The following LBR variants were observed in gnomAD, a reference collection of about 807,000 sequenced individuals.
LBR encodes the protein delta(14)-sterol reductase LBR.
Under a neutral mutation model 74.3 loss-of-function variants are expected in LBR, and 28 were observed. The ratio of observed to expected loss-of-function variants is 0.38; its 90% confidence interval spans 0.28 to 0.52. The LOEUF is 0.52. LBR is among the 20% of genes least tolerant of loss of function. The pLI is 0.89. For synonymous variants in LBR, 228 were observed against 269.3 expected, an observed-to-expected ratio of 0.85 and a Z score of 1.50; for missense variants, 717 against 760.3, an observed-to-expected ratio of 0.94 and a Z score of 0.67.
chr1:225,417,828 T>C (rs1334522140), intron 6 of LBR, 156 bp downstream of exon 6: 1 of 671,930 alleles, frequency 1.5e-6, no homozygotes, highest in East Asian at 2.7e-5. Flanking sequence ...ACCTTTAAAC[T>C]ACTCTAAGGC....
chr1:225,419,142 C>G, intron 5 of LBR, 121 bp downstream of exon 5: 1 of 926,684 alleles, frequency 1.1e-6, no homozygotes, highest in Non-Finnish European at 1.8e-6. Flanking sequence ...CCACAGGTTC[C>G]CACCAGGCTC....
intron 7 of LBR, 146 bp from the exon 8 acceptor site, chr1:225,412,791 A>C: frequency 2.7e-6 from 2 of 744,596 alleles, no homozygotes; most frequent in Non-Finnish European, 4.4e-6. Context: ...TATGCAAATA[A>C]GCAATGTCTG....
intron 1 of LBR, among the ~76,000 whole-genome samples, chr1:225,425,099 T>C (rs1183943779): frequency 6.6e-6 from 1 of 152,214 alleles, no homozygotes; most frequent in Non-Finnish European, 1.5e-5. Flanking sequence ...CCTATCAATG[T>C]ACATTCCTCA....
At chr1:225,419,036 A>C (rs2096122682) in intron 5 of LBR, among the ~76,000 whole-genome samples, 1 of 152,240 alleles carries the variant, frequency 6.6e-6, no homozygotes, top group Non-Finnish European at 1.5e-5. Flanking sequence ...AAAAGTTTTA[A>C]ACACAGCTAC....
At position 225,402,418 on chromosome 1, in the gene LBR, G is replaced by C. The variant is rs1050085259; in HGVS notation, c.*885C>G. 4 of 152,128 alleles carry C rather than the reference G, an allele frequency of 2.6e-5. No homozygotes were observed. Among genetic ancestry groups the C allele is most frequent in the African/African-American group, 7.3e-5 (3 of 41,342 alleles). The allele number at this position is 152,128 out of a possible 1,614,324, so 9.4% of individuals were successfully genotyped here. A position where few individuals can be genotyped will look rare whatever the true frequency, so the allele number is the denominator to read the frequency against. ...TTTCTATTTGCAACAGTTTATAAAG[G>C]CAAACAAACACCTGCAATTGAGGTA... is the stretch of plus-strand genomic sequence containing the variant. On this transcript the variant is annotated 3_prime_UTR_variant, in exon 14 of 14. Coordinates refer to ENST00000272163, the MANE Select transcript of LBR (RefSeq NM_002296.4).
Position 225,424,013 on chromosome 1 carries a change from A to C in LBR, c.63T>G (p.Leu21=). 6.2e-7 allele frequency: 1 copy of C among 1,614,066 alleles called. No individual in the cohort carries two copies. Among genetic ancestry groups the C allele is most frequent in the Non-Finnish European group, 8.5e-7 (1 of 1,179,956 alleles). Residue 21 remains leucine, a synonymous_variant, in exon 2 of 14, where the codon CTT becomes CTG. Transcript: ENST00000272163. ...VVRGRWPGSS[L]YYEVEILSHD... The stretch of plus-strand genomic sequence containing the variant: ...GGCTCAGAATTTCTACTTCATAATA[A>C]AGTGAACTCCCAGGCCATCGACCTC...
intron 10 of LBR, among the ~76,000 whole-genome samples, chr1:225,409,386 T>A (rs2096099753): frequency 6.6e-6 from 1 of 152,188 alleles, no homozygotes; most frequent in Non-Finnish European, 1.5e-5. Flanking sequence ...TCTCTGCAAT[T>A]TTGCATAGAA....
In LBR at chr1:225,406,754, G is replaced by C. The variant is rs1227606098; in HGVS notation, c.1393C>G (p.Pro465Ala). The C allele has an allele frequency of 6.2e-7, 1 of 1,614,036 alleles. No homozygotes were observed. Among genetic ancestry groups the C allele is most frequent in the Non-Finnish European group, 8.5e-7 (1 of 1,180,012 alleles). ...AAGGCTTGGAAGCTGTAAATAAAGG[G>C]AACCCACACCAAGTCTCCAAAAGCC... is the stretch of plus-strand genomic sequence containing the variant. ...MLAFGDLVWV[P>A]FIYSFQAFYL... The change falls in exon 11 of 14, where the codon CCC becomes GCC. Residue 465 changes from proline (P) to alanine (A), a missense_variant. Transcript: ENST00000272163.
In LBR at chr1:225,403,024, G is replaced by A. The variant is rs1033852204; in HGVS notation, c.*279C>T. 16 of 427,956 alleles carry A rather than the reference G, an allele frequency of 3.7e-5. No homozygotes were observed. Among genetic ancestry groups the A allele is most frequent in the African/African-American group, 2.8e-4 (14 of 50,308 alleles). 26.5% of individuals were successfully genotyped at this position (427,956 alleles called of 1,614,324 possible). A position where few individuals can be genotyped will look rare whatever the true frequency, so the allele number is the denominator to read the frequency against. The stretch of plus-strand genomic sequence containing the variant: ...ATTCTTCACAGTACATTTATATTAA[G>A]ACTGTCTTCTGTTTTCAGATTAAGG... On this transcript the variant is annotated 3_prime_UTR_variant, in exon 14 of 14. Coordinates refer to ENST00000272163, the MANE Select transcript of LBR (RefSeq NM_002296.4).
At position 225,415,297 on chromosome 1, in the gene LBR, T is replaced by G. The variant is rs1168968932; in HGVS notation, c.873A>C (p.Arg291Ser). 3 of 1,593,852 alleles carry G rather than the reference T, an allele frequency of 1.9e-6. No individual in the cohort carries two copies. Among genetic ancestry groups the G allele is most frequent in the Non-Finnish European group, 1.7e-6 (2 of 1,164,744 alleles). The change falls in exon 7 of 14, where the codon AGA (arginine) becomes AGC (serine). Residue 291 changes from arginine (R) to serine (S), a missense_variant. By Grantham distance (110) the Arg-to-Ser change is moderately radical (BLOSUM62 -1). Coordinates refer to ENST00000272163, the MANE Select transcript of LBR (RefSeq NM_002296.4). Reference sequence around the variant, plus strand: ...AATCACCATTTAATCTATACTTGAGTCTTCTTCCATCAATAAGAGGCGTTC... The same window carrying G: ...AATCACCATTTAATCTATACTTGAGGCTTCTTCCATCAATAAGAGGCGTTC... Reference protein sequence around the residue: ...VEGTPLIDGRRLKYRLNGFYA... With the variant: ...VEGTPLIDGRSLKYRLNGFYA...
chr1:225,422,347 A>G (rs1186261406), intron 2 of LBR, 70 bp from the exon 3 acceptor site: 2 of 1,267,724 alleles, frequency 1.6e-6, no homozygotes, highest in Non-Finnish European at 2.3e-6. Context: ...CCACACTAGA[A>G]GAGGATAACA....
chr1:225,409,649 C>T (rs753038471), intron 10 of LBR, among the ~76,000 whole-genome samples: 6 of 151,892 alleles, frequency 4.0e-5, no homozygotes, highest in Non-Finnish European at 7.4e-5. Context: ...ACAGTAAATA[C>T]GATAAAATAC....
At chr1:225,423,776 T>C (rs2096133066) in intron 2 of LBR, 135 bp downstream of exon 2, 2 of 838,546 alleles carry the variant, frequency 2.4e-6, no homozygotes, top group South Asian at 2.7e-5. Flanking sequence ...CCAAAAACAG[T>C]ATGTGACCCA....
At chr1:225,419,494 T>C (rs375161378) in intron 4 of LBR, 42 bp from the exon 5 acceptor site, 10 of 1,337,800 alleles carry the variant, frequency 7.5e-6, no homozygotes, top group Non-Finnish European at 1.1e-5. Flanking sequence ...CAGTGAACAA[T>C]TACCATTAAT....
At position 225,402,647 on chromosome 1, in the gene LBR, C is replaced by T. The variant is rs80028106; in HGVS notation, c.*656G>A. ...ATCATCTCACATTCAAAATACTGTA[C>T]AAAAAAATCTGAAGTCACCATATAT... On this transcript the variant is annotated 3_prime_UTR_variant, in exon 14 of 14. Coordinates refer to ENST00000272163, the MANE Select transcript of LBR (RefSeq NM_002296.4). 0.01 allele frequency: 1,597 copies of T among 152,552 alleles called. 12 individuals are homozygous for T. Among genetic ancestry groups the T allele is most frequent in the Middle Eastern group, 0.034 (10 of 294 alleles). The allele number at this position is 152,552 out of a possible 1,614,324, so 9.4% of individuals were successfully genotyped here. A position where few individuals can be genotyped will look rare whatever the true frequency, so the allele number is the denominator to read the frequency against.
At chr1:225,428,562 C>T (rs1178469916), upstream of LBR, 1 of 152,246 alleles carries the variant, frequency 6.6e-6, no homozygotes, top group Non-Finnish European at 1.5e-5. Flanking sequence ...ACAGAAGCCC[C>T]TGGACCAAGC....
chr1:225,422,709 T>C (rs1378632206), intron 2 of LBR, among the ~76,000 whole-genome samples: 2 of 151,872 alleles, frequency 1.3e-5, no homozygotes, highest in African/African-American at 4.8e-5. Flanking sequence ...AAACATGAGC[T>C]TGGATGACTG....
At chr1:225,427,712 G>C (rs1040825738) in intron 1 of LBR, 1 of 152,192 alleles carries the variant, frequency 6.6e-6, no homozygotes, top group Non-Finnish European at 1.5e-5. Context: ...TTTCCGCAGC[G>C]GGCCCGGCTC....
chr1:225,412,208 C>T (rs954555973), intron 8 of LBR, among the ~76,000 whole-genome samples: 1 of 152,098 alleles, frequency 6.6e-6, no homozygotes, highest in Non-Finnish European at 1.5e-5. Context: ...GTTTACTAAA[C>T]GTCTTACTGT....
Sources: allele counts gnomAD v4.1 joint callset (sites outside exome capture counted in the v4.1 genomes callset), GRCh38; gene constraint gnomAD v4.1.1; transcripts MANE v1.5; gene names NCBI Gene and HGNC (gene_info 2026-07-23, HGNC 2026-07-21).